Variants in SHLD1 observed in about 807,000 individuals in gnomAD.
SHLD1 encodes shieldin complex subunit 1.
In SHLD1, 3 loss-of-function variants were observed where a neutral mutation model predicts 5.5. The ratio of observed to expected loss-of-function variants is 0.54; its 90% CI spans 0.25 to 1.40. The LOEUF (loss-of-function observed/expected upper bound fraction) is 1.40. Ranked by LOEUF, SHLD1 falls within the 40% of genes most tolerant of loss-of-function variation. The probability of loss-of-function intolerance (pLI) is 0.15; values close to 1 mark genes in which losing one functional copy is unlikely to be tolerated. For synonymous variants in SHLD1, 92 were observed against 94.3 expected (o/e 0.98, Z 0.14); for missense variants, 210 against 244.4 (o/e 0.86, Z 0.94).
At chr20:5,775,154 T>C (rs1343834143) in intron 2 of SHLD1, among the ~76,000 whole-genome samples, 1 of 152,142 alleles carries the variant, frequency 6.6e-6, no homozygotes, top group African/African-American at 2.4e-5. Flanking sequence ...TCCTCCTGCC[T>C]CAGCCTCCCA....
chr20:5,784,663 G>A (rs951707019), intron 2 of SHLD1, among the ~76,000 whole-genome samples: 7 of 151,910 alleles, frequency 4.6e-5, no homozygotes, highest in East Asian at 1.9e-4. Context: ...TGTTAGCCAG[G>A]TTGGTCTCGA....
Position 5,806,845 on chromosome 20 carries a change from C to T in SHLD1, c.178+33802C>T, listed in dbSNP as rs776927831. ...AGTGGTGGCAGTGATGGTTGCCAGC[C>T]CTCTGTCACCACCCTCTCCACTAGA... On this transcript the variant is annotated intron_variant, in intron 2 of 2. Coordinates refer to ENST00000303142, the MANE Select transcript of SHLD1 (RefSeq NM_152504.4). This position sits in a 1 kb window ranked among gnomAD's most constrained non-coding sequence, Gnocchi z 7.6. Among the ~76,000 whole-genome samples, 1 of 152,228 alleles carries T rather than the reference C, an allele frequency of 6.6e-6. No homozygotes were observed. Among genetic ancestry groups the T allele is most frequent in the African/African-American group, 2.4e-5 (1 of 41,454 alleles).
intron 2 of SHLD1, among the ~76,000 whole-genome samples, chr20:5,795,659 A>T (rs1289024416): frequency 6.6e-6 from 1 of 151,710 alleles, no homozygotes; most frequent in Non-Finnish European, 1.5e-5. Flanking sequence ...ACACAGAACA[A>T]ATAGAAATGA....
chr20:5,848,881 G>A (rs762779779), intron 2 of SHLD1, among the ~76,000 whole-genome samples: 7 of 152,156 alleles, frequency 4.6e-5, no homozygotes, highest in African/African-American at 9.7e-5. Flanking sequence ...GATGAAGGGT[G>A]ATAGCATATG....
chr20:5,762,621 G>A (rs908265537), intron 1 of SHLD1, among the ~76,000 whole-genome samples: 1 of 152,092 alleles, frequency 6.6e-6, no homozygotes, highest in African/African-American at 2.4e-5. Flanking sequence ...GGCTATTGTG[G>A]GGGAGGCACT....
intron 1 of SHLD1, chr20:5,771,863 CTTTTTTT>C (rs34145480): frequency 1.0e-3 from 83 of 79,408 alleles, no homozygotes; most frequent in African/African-American, 2.1e-3. Flanking sequence ...GAACTTTTAC[CTTTTTTT>C]TTTTTTTTTT....
Position 5,862,264 on chromosome 20 carries a change from T to C in SHLD1, c.179-760T>C, listed in dbSNP as rs540843066. 2.6e-4 allele frequency among the ~76,000 whole-genome samples: 40 copies of C among 152,274 alleles called. No homozygotes were observed. In the South Asian group the frequency reaches 8.3e-3, roughly 32 times the overall value. On this transcript the variant is annotated intron_variant, in intron 2 of 2. Transcript: ENST00000303142. The stretch of plus-strand genomic sequence containing the variant: ...ATACTATAATATGATATGAAAATAG[T>C]TGTTGTAGTGTGTAGTGGGTCCCCC...
chr20:5,819,374 A>C (rs1452390008), intron 2 of SHLD1, among the ~76,000 whole-genome samples: 1 of 152,194 alleles, frequency 6.6e-6, no homozygotes, highest in Non-Finnish European at 1.5e-5. Flanking sequence ...CTTATCTGTT[A>C]TTTCTCATTC....
intron 2 of SHLD1, among the ~76,000 whole-genome samples, chr20:5,792,823 G>C (rs564206009): frequency 6.6e-6 from 1 of 151,306 alleles, no homozygotes; most frequent in East Asian, 1.9e-4. Flanking sequence ...ACAGGCGTGC[G>C]CCAATATGCC....
intron 2 of SHLD1, among the ~76,000 whole-genome samples, chr20:5,860,459 TA>T (rs1449047063): frequency 1.3e-5 from 2 of 152,262 alleles, no homozygotes; most frequent in African/African-American, 4.8e-5. Flanking sequence ...CATTCTCTTC[TA>T]AAACAATAAA....
At chr20:5,755,810 C>T (rs570763101) in intron 1 of SHLD1, among the ~76,000 whole-genome samples, 4 of 152,282 alleles carry the variant, frequency 2.6e-5, no homozygotes, top group East Asian at 1.9e-4. Context: ...CCGCCCACCT[C>T]GGCTTCCTGG....
chr20:5,834,750 G>A (rs920874033), intron 2 of SHLD1, among the ~76,000 whole-genome samples: 2 of 152,138 alleles, frequency 1.3e-5, no homozygotes, highest in East Asian at 1.9e-4. Context: ...TGGCTTATAA[G>A]CAATAGAATA....
intron 2 of SHLD1, among the ~76,000 whole-genome samples, chr20:5,861,237 C>A (rs2088158842): frequency 6.6e-6 from 1 of 152,256 alleles, no homozygotes; most frequent in Non-Finnish European, 1.5e-5. Flanking sequence ...AGGGAGCATG[C>A]ACTCATTCTG....
intron 2 of SHLD1, among the ~76,000 whole-genome samples, chr20:5,813,250 G>A (rs979328035): frequency 1.3e-5 from 2 of 152,048 alleles, no homozygotes; most frequent in Admixed American, 1.3e-4. Flanking sequence ...CATTTTGGGA[G>A]GCCGAGGCAG....
At chr20:5,854,697 T>C (rs531853624) in intron 2 of SHLD1, among the ~76,000 whole-genome samples, 1 of 152,284 alleles carries the variant, frequency 6.6e-6, no homozygotes, top group East Asian at 1.9e-4. Flanking sequence ...GTCTTAATCA[T>C]TTTGAAGCAT....
intron 2 of SHLD1, among the ~76,000 whole-genome samples, chr20:5,778,271 C>T (rs549961067): frequency 3.5e-4 from 52 of 149,398 alleles, no homozygotes; most frequent in African/African-American, 1.2e-3. Flanking sequence ...TGCCCACCAC[C>T]ATGCCTGGCT....
chr20:5,831,735 C>G (rs2087730827), intron 2 of SHLD1, among the ~76,000 whole-genome samples: 1 of 152,048 alleles, frequency 6.6e-6, no homozygotes, highest in African/African-American at 2.4e-5. Flanking sequence ...TGATCTCTCT[C>G]TCTCTCTCTC....
At position 5,788,929 on chromosome 20, in the gene SHLD1, C is replaced by T. The variant is rs1407736270; in HGVS notation, c.178+15886C>T. Among the ~76,000 whole-genome samples the T allele has an allele frequency of 1.3e-5, 2 of 151,718 alleles. 1 individual carries two copies. Among genetic ancestry groups the T allele is most frequent in the East Asian group, 3.9e-4 (2 of 5,152 alleles). ...GGTGGATCACTTGAGATCAGGAGAT[C>T]GAGACCAGATTGGCCACCATGGTAA... On this transcript the variant is annotated intron_variant, in intron 2 of 2. Coordinates refer to ENST00000303142, the MANE Select transcript of SHLD1 (RefSeq NM_152504.4).
chr20:5,763,247 G>A (rs1378869434), intron 1 of SHLD1, among the ~76,000 whole-genome samples: 3 of 130,210 alleles, frequency 2.3e-5, no homozygotes, highest in Middle Eastern at 5.6e-3. Flanking sequence ...CGGAGGTTGC[G>A]CCATTGCACT....
Sources: gnomAD v4.1 joint callset for allele counts (sites outside exome capture counted in the v4.1 genomes callset) on GRCh38, gnomAD v4.1.1 for gene constraint, Gnocchi (gnomAD v3.1) non-coding constraint, MANE v1.5 for transcripts, NCBI Gene and HGNC (gene_info 2026-07-23, HGNC 2026-07-21) for gene names.